TASP1: variants seen among roughly 807,000 people sequenced by gnomAD.
TASP1 encodes the protein taspase 1.
Under a neutral mutation model 56.6 loss-of-function variants are expected in TASP1, and 16 were observed. The ratio of observed to expected loss-of-function variants is 0.28; its 90% CI spans 0.19 to 0.43. The LOEUF is 0.43. Ranked by LOEUF, TASP1 falls within the 20% of genes least tolerant of loss-of-function variation. The pLI is 1.00. For synonymous variants in TASP1, 179 were observed against 184.2 expected (o/e 0.97, Z 0.23); for missense variants, 393 against 511.6 (o/e 0.77, Z 2.24).
At chr20:13,125,092 G>A in the TASP1 span, among the ~76,000 whole-genome samples, 1 of 152,196 alleles carries the variant, frequency 6.6e-6, no homozygotes, top group East Asian at 1.9e-4. Context: ...CCCAGGCCAT[G>A]AGACACTGTA....
chr20:13,510,711 G>A (rs1324760067), intron 10 of TASP1, among the ~76,000 whole-genome samples: 2 of 151,862 alleles, frequency 1.3e-5, no homozygotes, highest in African/African-American at 2.4e-5. Flanking sequence ...TATATTCCTC[G>A]GGCATTCAGG....
the TASP1 span, among the ~76,000 whole-genome samples, chr20:13,262,101 A>C: frequency 2.6e-5 from 4 of 152,238 alleles, no homozygotes; most frequent in African/African-American, 9.6e-5. Flanking sequence ...AGTCCTAGAC[A>C]GTTACCACTC....
chr20:13,523,387 C>T (rs1313757421), intron 10 of TASP1, among the ~76,000 whole-genome samples: 3 of 152,132 alleles, frequency 2.0e-5, no homozygotes, highest in African/African-American at 7.2e-5. Flanking sequence ...CAGCAGTAGT[C>T]TCCCATTGGC....
chr20:13,366,281 G>T, the TASP1 span, among the ~76,000 whole-genome samples: 3 of 152,080 alleles, frequency 2.0e-5, no homozygotes, highest in African/African-American at 7.2e-5. Context: ...AAGAAAAGAG[G>T]GCTGAGAACC....
At chr20:13,178,928 T>G in the TASP1 span, among the ~76,000 whole-genome samples, 1 of 152,140 alleles carries the variant, frequency 6.6e-6, no homozygotes, top group East Asian at 1.9e-4. Flanking sequence ...GGATTCTGAA[T>G]GTCCCCAACA....
the TASP1 span, among the ~76,000 whole-genome samples, chr20:13,233,931 C>A: frequency 6.6e-6 from 1 of 152,126 alleles, no homozygotes; most frequent in Admixed American, 6.5e-5. Flanking sequence ...GAGTTTTAAG[C>A]CATGCCCAGA....
At chr20:13,322,694 A>C in the TASP1 span, among the ~76,000 whole-genome samples, 1 of 152,220 alleles carries the variant, frequency 6.6e-6, no homozygotes, top group Non-Finnish European at 1.5e-5. Context: ...GATAAGGAAT[A>C]GCTGCAAAGC....
At chr20:13,494,952 G>GA (rs59891882) in intron 10 of TASP1, among the ~76,000 whole-genome samples, 4,939 of 144,094 alleles carry the variant, frequency 0.034, 259 homozygotes, top group African/African-American at 0.11. Context: ...TCATGAGCCA[G>GA]AAAAAAAAAA....
the TASP1 span, chr20:13,168,422 A>G: frequency 4.6e-5 from 7 of 152,268 alleles, no homozygotes; most frequent in South Asian, 8.3e-4. Flanking sequence ...ACCTTAGGTG[A>G]TCCTCCCACC....
the TASP1 span, among the ~76,000 whole-genome samples, chr20:13,383,781 G>A: frequency 6.6e-6 from 1 of 152,236 alleles, no homozygotes; most frequent in African/African-American, 2.4e-5. Context: ...AGCAAGAGCA[G>A]CAGAAAAACC....
the TASP1 span, among the ~76,000 whole-genome samples, chr20:13,154,312 C>T: frequency 1.3e-5 from 2 of 152,066 alleles, no homozygotes; most frequent in Non-Finnish European, 2.9e-5. Flanking sequence ...TCCCACAGGT[C>T]TTATAGAAAG....
At chr20:13,118,931 A>G in the TASP1 span, among the ~76,000 whole-genome samples, 2 of 152,246 alleles carry the variant, frequency 1.3e-5, no homozygotes, top group African/African-American at 4.8e-5. Context: ...TTACCCTTCA[A>G]TAAGCACTGC....
At chr20:13,250,048 A>G in the TASP1 span, among the ~76,000 whole-genome samples, 1 of 152,196 alleles carries the variant, frequency 6.6e-6, no homozygotes, top group Non-Finnish European at 1.5e-5. Context: ...AAAAGCTCAC[A>G]GTGAACAGAA....
intron 10 of TASP1, among the ~76,000 whole-genome samples, chr20:13,491,358 T>G (rs1270416945): frequency 2.6e-5 from 4 of 152,188 alleles, no homozygotes; most frequent in Non-Finnish European, 4.4e-5. Context: ...CGACTTAAGA[T>G]TACACTCCTG....
chr20:13,333,442 A>G, the TASP1 span, among the ~76,000 whole-genome samples: 2 of 152,340 alleles, frequency 1.3e-5, no homozygotes, highest in African/African-American at 4.8e-5. Context: ...ATGAGATTTG[A>G]GCCCAAATAT....
At chr20:13,385,775 G>A (rs937265073), downstream of TASP1, among the ~76,000 whole-genome samples, 9 of 152,212 alleles carry the variant, frequency 5.9e-5, no homozygotes, top group African/African-American at 1.9e-4. Flanking sequence ...AATTCCTGTA[G>A]GAACTCTCTC....
At chr20:13,184,160 T>G in the TASP1 span, among the ~76,000 whole-genome samples, 1 of 152,122 alleles carries the variant, frequency 6.6e-6, no homozygotes, top group Non-Finnish European at 1.5e-5. Flanking sequence ...GTTCTAGCTA[T>G]TAGGATACAG....
chr20:13,258,890 T>C, the TASP1 span, among the ~76,000 whole-genome samples: 14 of 152,128 alleles, frequency 9.2e-5, no homozygotes, highest in Admixed American at 5.2e-4. Flanking sequence ...GGCTTGTCAG[T>C]GCATTAGACC....
chr20:13,310,133 A>G, the TASP1 span, among the ~76,000 whole-genome samples: 1 of 152,228 alleles, frequency 6.6e-6, no homozygotes, highest in Admixed American at 6.5e-5. Flanking sequence ...AAATAGCCAA[A>G]GCAATCTTGA....
Sources: allele counts gnomAD v4.1 joint callset (sites outside exome capture counted in the v4.1 genomes callset), GRCh38; gene constraint gnomAD v4.1.1; transcripts MANE v1.5; gene names NCBI Gene and HGNC (gene_info 2026-07-23, HGNC 2026-07-21).